The following CCSER1 variants were observed in gnomAD, a reference collection of about 807,000 sequenced individuals.
The protein encoded by CCSER1 is coiled-coil serine rich protein 1, also known as serine-rich coiled-coil domain-containing protein 1.
Under a neutral mutation model 82.0 loss-of-function variants are expected in CCSER1, and 41 were observed. The observed-to-expected ratio is 0.50, with a 90% CI of 0.39 to 0.65. The LOEUF (loss-of-function observed/expected upper bound fraction) is 0.65. Ranked by LOEUF, CCSER1 falls within the 30% of genes least tolerant of loss-of-function variation. CCSER1 has a pLI of 0.00. For missense variants in CCSER1, 1,119 were observed against 1,064.2 expected (o/e 1.05, Z -0.72); for synonymous variants, 414 against 383.9 (o/e 1.08, Z -0.92).
At chr4:91,548,764 C>T (rs192586561) in intron 10 of CCSER1, among the ~76,000 whole-genome samples, 1 of 151,986 alleles carries the variant, frequency 6.6e-6, no homozygotes, top group African/African-American at 2.4e-5. Context: ...GTGTCTCCCC[C>T]ACACCATCCC....
At chr4:90,663,812 TAGAG>T (rs1310086795) in intron 6 of CCSER1, 1 of 277,326 alleles carries the variant, frequency 3.6e-6, no homozygotes, top group African/African-American at 2.2e-5. Context: ...ATGACCAAAA[TAGAG>T]AGTAATTGTG....
At chr4:90,581,888 T>C (rs1781452444) in intron 5 of CCSER1, among the ~76,000 whole-genome samples, 1 of 151,690 alleles carries the variant, frequency 6.6e-6, no homozygotes, top group South Asian at 2.1e-4. Context: ...TTTTTTTTTT[T>C]GTGATTTTTT....
chr4:90,243,675 A>T (rs1032339745), intron 1 of CCSER1, among the ~76,000 whole-genome samples: 1 of 152,152 alleles, frequency 6.6e-6, no homozygotes. Context: ...GACATGTGCC[A>T]CCATATCAGC....
At chr4:91,417,365 C>A (rs1166306073) in intron 10 of CCSER1, among the ~76,000 whole-genome samples, 1 of 152,088 alleles carries the variant, frequency 6.6e-6, no homozygotes, top group East Asian at 1.9e-4. Flanking sequence ...GAATATAAAT[C>A]ATTCTATTAT....
intron 10 of CCSER1, among the ~76,000 whole-genome samples, chr4:91,454,742 A>G (rs1030899200): frequency 2.0e-5 from 3 of 152,026 alleles, no homozygotes; most frequent in African/African-American, 7.2e-5. Context: ...CTATCTAAGT[A>G]TATTTATATA....
intron 10 of CCSER1, among the ~76,000 whole-genome samples, chr4:91,590,330 G>C (rs903350296): frequency 6.6e-6 from 1 of 152,058 alleles, no homozygotes; most frequent in South Asian, 2.1e-4. Context: ...AGAACCTTTT[G>C]ATGTTTCTTT....
chr4:91,252,190 A>T (rs1272804876), intron 10 of CCSER1, among the ~76,000 whole-genome samples: 7 of 152,164 alleles, frequency 4.6e-5, no homozygotes, highest in Admixed American at 4.6e-4. Context: ...AAGTGCTGAA[A>T]GGAAAAAAAA....
intron 9 of CCSER1, among the ~76,000 whole-genome samples, chr4:91,014,686 A>G (rs1217387877): frequency 1.3e-5 from 2 of 152,192 alleles, no homozygotes; most frequent in Non-Finnish European, 2.9e-5. Flanking sequence ...ATGTAAACAT[A>G]CATTCAAAAA....
At chr4:91,219,892 TATAG>T (rs1475956265) in intron 10 of CCSER1, among the ~76,000 whole-genome samples, 1 of 152,210 alleles carries the variant, frequency 6.6e-6, no homozygotes, top group Non-Finnish European at 1.5e-5. Context: ...AACAAATTTA[TATAG>T]ATAGAAATTT....
chr4:91,496,061 T>G (rs1036184571), intron 10 of CCSER1, among the ~76,000 whole-genome samples: 2 of 151,588 alleles, frequency 1.3e-5, no homozygotes, highest in African/African-American at 4.8e-5. Flanking sequence ...CACTCTAATC[T>G]CCCACCATTA....
chr4:90,360,160 G>T (rs1195309008), intron 3 of CCSER1, among the ~76,000 whole-genome samples: 38 of 147,306 alleles, frequency 2.6e-4, no homozygotes, highest in African/African-American at 8.8e-4. Flanking sequence ...CTCGTGATCC[G>T]CCCGCCTCAG....
intron 7 of CCSER1, among the ~76,000 whole-genome samples, chr4:90,799,537 G>A (rs1483480717): frequency 4.6e-5 from 7 of 152,132 alleles, no homozygotes; most frequent in Admixed American, 3.9e-4. Context: ...CAGAAGCTAT[G>A]GGCTCCCAAG....
chr4:91,099,562 G>T (rs1284041924), intron 10 of CCSER1, among the ~76,000 whole-genome samples: 1 of 152,158 alleles, frequency 6.6e-6, no homozygotes, highest in African/African-American at 2.4e-5. Flanking sequence ...GGTAGTTGGG[G>T]CGCAGCTTGG....
intron 10 of CCSER1, among the ~76,000 whole-genome samples, chr4:91,345,196 G>A (rs919389469): frequency 5.3e-5 from 8 of 152,052 alleles, no homozygotes; most frequent in African/African-American, 1.9e-4. Flanking sequence ...GTTCAAGACT[G>A]GCCTGGCCAA....
rs373855041 is a variant in CCSER1, at chr4:90,863,667, C to T, written c.2094+47822C>T. The stretch of plus-strand genomic sequence containing the variant: ...CCAAAATAACATTTGAAGATTGTCA[C>T]TTACCCAATCAGAAAAAAAGAAAGA... On this transcript the variant is annotated intron_variant, in intron 8 of 10. Coordinates refer to ENST00000509176, the MANE Select transcript of CCSER1 (RefSeq NM_001145065.2). Among the ~76,000 whole-genome samples the T allele has an allele frequency of 3.2e-3, 478 of 151,166 alleles. 3 individuals carry two copies. The highest frequency in any genetic ancestry group is 0.011 in the African/African-American group (453 of 41,250).
chr4:90,150,602 A>G (rs777463555), intron 1 of CCSER1, among the ~76,000 whole-genome samples: 8 of 152,174 alleles, frequency 5.3e-5, no homozygotes, highest in South Asian at 4.1e-4. Context: ...ATTCATCTTC[A>G]TCACTCTTAT....
At chr4:90,818,891 A>C (rs1759379107) in intron 8 of CCSER1, among the ~76,000 whole-genome samples, 1 of 152,096 alleles carries the variant, frequency 6.6e-6, no homozygotes, top group African/African-American at 2.4e-5. Flanking sequence ...AAAACAAAAA[A>C]CTCCAGCACA....
chr4:90,691,677 C>G (rs36042723), intron 6 of CCSER1, among the ~76,000 whole-genome samples: 112,863 of 151,634 alleles, frequency 0.74, 42,138 homozygotes, highest in Middle Eastern at 0.83. Context: ...ACGTGTGTAT[C>G]TATGTGTATA....
intron 9 of CCSER1, among the ~76,000 whole-genome samples, chr4:90,981,323 A>G (rs1197433463): frequency 6.6e-6 from 1 of 151,818 alleles, no homozygotes; most frequent in East Asian, 1.9e-4. Flanking sequence ...TCTGCTTCTA[A>G]GGAAACCCAA....
Sources: allele counts gnomAD v4.1 joint callset (sites outside exome capture counted in the v4.1 genomes callset), GRCh38; gene constraint gnomAD v4.1.1; transcripts MANE v1.5; gene names NCBI Gene and HGNC (gene_info 2026-07-23, HGNC 2026-07-21).